The following CPEB2 variants were observed in gnomAD, a reference collection of about 807,000 sequenced individuals.
CPEB2 encodes the protein cytoplasmic polyadenylation element-binding protein 2.
CPEB2 carries 56 observed loss-of-function variants against 93.6 expected under a neutral mutation model. That is an observed-to-expected ratio of 0.60 (90% CI 0.48 to 0.75). CPEB2 has a LOEUF of 0.75. Ranked by LOEUF, CPEB2 falls within the 30% of genes least tolerant of loss-of-function variation. The pLI is 0.00. For synonymous variants in CPEB2, 764 were observed against 586.3 expected (o/e 1.30, Z -4.38); for missense variants, 1,579 against 1,395.1 (o/e 1.13, Z -2.10).
chr4:15,025,618 C>T (rs1725362192), intron 4 of CPEB2, among the ~76,000 whole-genome samples: 2 of 151,604 alleles, frequency 1.3e-5, no homozygotes, highest in African/African-American at 2.4e-5. Flanking sequence ...GAGCTGTAGG[C>T]CTAGCTGCTA....
At chr4:15,058,400 C>A (rs1305197903) in intron 8 of CPEB2, 21 bp from the exon 9 acceptor site, 8 of 1,411,238 alleles carry the variant, frequency 5.7e-6, no homozygotes, top group South Asian at 2.4e-5. Context: ...CATATTGCCT[C>A]ATCTTTAATG....
intron 6 of CPEB2, among the ~76,000 whole-genome samples, chr4:15,041,347 T>C (rs1228255440): frequency 6.6e-6 from 1 of 152,028 alleles, no homozygotes; most frequent in Admixed American, 6.5e-5. Context: ...TTCTTTGACC[T>C]CTAAAAATCT....
intron 4 of CPEB2, among the ~76,000 whole-genome samples, chr4:15,019,312 C>CT (rs919865939): frequency 2.2e-4 from 32 of 148,806 alleles, no homozygotes; most frequent in Middle Eastern, 3.5e-3. Context: ...CACTTTAAGT[C>CT]TTTTTTTTTT....
chr4:15,054,831 A>AT (rs1327430298), intron 8 of CPEB2, among the ~76,000 whole-genome samples: 2 of 152,222 alleles, frequency 1.3e-5, no homozygotes, highest in African/African-American at 4.8e-5. Context: ...AGTCTTGAAC[A>AT]TTAATTCAGC....
In CPEB2 at chr4:15,004,291, G is replaced by A. The variant is rs570391181; in HGVS notation, c.1618G>A (p.Ala540Thr). Residue 540 changes from alanine (A) to threonine (T), a missense_variant, in exon 1 of 12, where the codon GCC becomes ACC. Physicochemically the swap from Ala to Thr is moderately conservative, Grantham distance 58. This residue lies in a region of CPEB2 where 1,411 missense variants were observed against 1,056.0 expected (regional missense o/e 1.34). Coordinates refer to ENST00000538197, the MANE Select transcript of CPEB2 (RefSeq NM_001177382.2). The stretch of plus-strand genomic sequence containing the variant: ...GCTCCAGCAGCAGCACCAGGCGGCG[G>A]CCGCCGCCTTCCTGCAGCAGAGGAA... Reference protein sequence around the residue: ...PQLQQQHQAAAAAFLQQRNSY... With the variant: ...PQLQQQHQAATAAFLQQRNSY... The A allele has an allele frequency of 2.7e-6, 4 of 1,491,734 alleles. No individual in the cohort carries two copies. In the East Asian group the frequency reaches 8.5e-5, roughly 32 times the overall value. The allele number at this position is 1,491,734 out of a possible 1,614,324, so 92.4% of individuals were successfully genotyped here. A position where few individuals can be genotyped will look rare whatever the true frequency, so the allele number is the denominator to read the frequency against.
At chr4:15,043,159 A>G (rs1727343484) in intron 6 of CPEB2, among the ~76,000 whole-genome samples, 1 of 152,194 alleles carries the variant, frequency 6.6e-6, no homozygotes, top group African/African-American at 2.4e-5. Flanking sequence ...AAGATTTCTC[A>G]CTTGACTACA....
At chr4:15,050,466 A>G (rs1728121906) in intron 6 of CPEB2, among the ~76,000 whole-genome samples, 1 of 152,102 alleles carries the variant, frequency 6.6e-6, no homozygotes, top group Non-Finnish European at 1.5e-5. Flanking sequence ...TGAAAGAAAA[A>G]CAACTTGTCC....
chr4:15,059,576 A>C (rs1200073282), intron 10 of CPEB2, among the ~76,000 whole-genome samples: 1 of 152,120 alleles, frequency 6.6e-6, no homozygotes, highest in Non-Finnish European at 1.5e-5. Context: ...AATACTTCCG[A>C]TTTCCTAAGT....
Position 15,002,863 on chromosome 4 carries a change from C to T in CPEB2, c.190C>T (p.Pro64Ser), listed in dbSNP as rs776572794. The T allele has an allele frequency of 6.5e-7, 1 of 1,533,518 alleles. No individual in the cohort carries two copies. Among genetic ancestry groups the T allele is most frequent in the East Asian group, 2.5e-5 (1 of 40,704 alleles). The allele number at this position is 1,533,518 out of a possible 1,614,324, so 95.0% of individuals were successfully genotyped here. ...CACCGGCTTCTTAGAGGCCGCCTCC[C>T]CCTTCTCCGTCCCCCTCGGCGGCGG... is the stretch of plus-strand genomic sequence containing the variant. ...PVTGFLEAAS[P>S]FSVPLGGGAG... Residue 64 changes from proline to serine, a missense_variant, in exon 1 of 12, where the codon CCC becomes TCC. Physicochemically the swap from Pro to Ser is moderately conservative, Grantham distance 74. Around this residue, in one of 2 missense-constraint regions of CPEB2, gnomAD observed 1,411 missense variants for 1,056.0 expected, o/e 1.34. Coordinates refer to ENST00000538197, the MANE Select transcript of CPEB2 (RefSeq NM_001177382.2).
chr4:15,038,771 T>C (rs1198544898), intron 5 of CPEB2, among the ~76,000 whole-genome samples: 1 of 152,082 alleles, frequency 6.6e-6, no homozygotes, highest in Non-Finnish European at 1.5e-5. Flanking sequence ...GTATTTTTAG[T>C]AGAGACGAGG....
At chr4:15,034,233 A>T (rs941527866) in intron 5 of CPEB2, among the ~76,000 whole-genome samples, 2 of 152,160 alleles carry the variant, frequency 1.3e-5, no homozygotes, top group African/African-American at 4.8e-5. Flanking sequence ...GCACTCGGTT[A>T]TCTAATTAGT....
chr4:15,064,644 C>T (rs1018378789), intron 11 of CPEB2, among the ~76,000 whole-genome samples: 1 of 151,970 alleles, frequency 6.6e-6, no homozygotes, highest in Non-Finnish European at 1.5e-5. Context: ...TGCATTTATG[C>T]ATATATTTAT....
intron 6 of CPEB2, among the ~76,000 whole-genome samples, chr4:15,050,984 C>T (rs76949608): frequency 0.018 from 2,727 of 152,316 alleles, 80 homozygotes; most frequent in African/African-American, 0.062. Flanking sequence ...TAAAACTTTA[C>T]ATCTAAAGCT....
chr4:15,064,452 TTG>T (rs1404769323), intron 11 of CPEB2, among the ~76,000 whole-genome samples: 3 of 152,098 alleles, frequency 2.0e-5, no homozygotes, highest in Admixed American at 1.3e-4. Flanking sequence ...ATCATTGCAT[TTG>T]TGAAATTTTC....
chr4:15,041,405 CT>C (rs34625144), intron 6 of CPEB2, among the ~76,000 whole-genome samples: 19,866 of 144,522 alleles, frequency 0.14, 2,180 homozygotes, highest in South Asian at 0.32. Context: ...CCTTTGATCA[CT>C]TTTTTTTTTT....
At position 15,007,486 on chromosome 4, in the gene CPEB2, C is replaced by T. The variant is rs374747651; in HGVS notation, c.1844C>T (p.Pro615Leu). 17 of 1,613,836 alleles carry T rather than the reference C, an allele frequency of 1.1e-5. No individual in the cohort carries two copies. The highest frequency in any genetic ancestry group is 1.4e-5 in the Non-Finnish European group (17 of 1,179,906). ...KPFSGNVIAP[P>L]KFTRSTPSLT... ...TTTTCTGGTAATGTCATAGCACCAC[C>T]GAAATTTACTCGCTCAACTCCATCA... Residue 615 changes from proline (P) to leucine (L), a missense_variant, in exon 2 of 12, where the codon CCG becomes CTG. By Grantham distance (98) the Pro-to-Leu change is moderately conservative. Coordinates refer to ENST00000538197, the MANE Select transcript of CPEB2 (RefSeq NM_001177382.2).
chr4:15,031,584 C>T (rs1390405801), intron 4 of CPEB2, among the ~76,000 whole-genome samples: 1 of 152,086 alleles, frequency 6.6e-6, no homozygotes, highest in Non-Finnish European at 1.5e-5. Flanking sequence ...TTAGTTAACT[C>T]ATGTCATGCT....
intron 4 of CPEB2, among the ~76,000 whole-genome samples, chr4:15,021,616 T>C (rs1359189402): frequency 2.6e-5 from 4 of 152,150 alleles, no homozygotes; most frequent in Admixed American, 2.6e-4. Context: ...TTGAAAACTC[T>C]AGGAAGAAAT....
rs1560213017 is a variant in CPEB2, at chr4:15,007,400, T to TAGAACC, written c.1759_1764dup (p.Arg587_Thr588dup). On this transcript the variant is annotated inframe_insertion, in exon 2 of 12. Coordinates refer to ENST00000538197, the MANE Select transcript of CPEB2 (RefSeq NM_001177382.2). The stretch of plus-strand genomic sequence containing the variant: ...GAGCAATGCATGGCAGAGATCATCG[T>TAGAACC]AGAACCGGAAACATGGGAATCCCAG... 1 of 1,614,000 alleles carries TAGAACC rather than the reference T, an allele frequency of 6.2e-7. No individual in the cohort carries two copies. Among genetic ancestry groups the TAGAACC allele is most frequent in the Non-Finnish European group, 8.5e-7 (1 of 1,179,918 alleles).
Sources: gnomAD v4.1 joint callset for allele counts (sites outside exome capture counted in the v4.1 genomes callset) on GRCh38, gnomAD v4.1.1 for gene constraint, gnomAD v4.1.1 regional missense constraint, MANE v1.5 for transcripts, NCBI Gene and HGNC (gene_info 2026-07-23, HGNC 2026-07-21) for gene names.